The following TBC1D14 variants were observed in gnomAD, a reference collection of about 807,000 sequenced individuals.
TBC1D14 encodes TBC1 domain family, member 14.
A neutral mutation model predicts 79.0 loss-of-function variants in TBC1D14; 26 were observed. That is an observed-to-expected ratio of 0.33 (90% CI 0.24 to 0.46). The LOEUF is 0.46. Ranked by LOEUF, TBC1D14 falls within the 20% of genes least tolerant of loss-of-function variation. TBC1D14 has a pLI of 1.00. For missense variants in TBC1D14, 769 were observed against 887.6 expected (o/e 0.87, Z 1.70); for synonymous variants, 394 against 349.9 (o/e 1.13, Z -1.40).
intron 8 of TBC1D14, among the ~76,000 whole-genome samples, chr4:7,005,277 T>A (rs1299275017): frequency 6.6e-6 from 1 of 152,204 alleles, no homozygotes; most frequent in Admixed American, 6.5e-5. Context: ...CGCTCACGCC[T>A]GTAATCCCAG....
At chr4:6,966,999 C>CG (rs1560290107) in intron 2 of TBC1D14, among the ~76,000 whole-genome samples, 1 of 152,042 alleles carries the variant, frequency 6.6e-6, no homozygotes, top group African/African-American at 2.4e-5. Flanking sequence ...TTAGTAGAGA[C>CG]GGGGTTTCAC....
At chr4:6,931,723 G>A (rs867822476) in intron 2 of TBC1D14, among the ~76,000 whole-genome samples, 1 of 152,036 alleles carries the variant, frequency 6.6e-6, no homozygotes, top group African/African-American at 2.4e-5. Flanking sequence ...AGTGGCTGCT[G>A]TGTACCAAGC....
At chr4:6,933,593 C>T (rs1039092581) in intron 2 of TBC1D14, among the ~76,000 whole-genome samples, 1 of 152,078 alleles carries the variant, frequency 6.6e-6, no homozygotes. Context: ...CCACCATGAC[C>T]CACTGTGCCT....
chr4:6,916,832 C>T (rs1009441986), intron 1 of TBC1D14, among the ~76,000 whole-genome samples: 1 of 152,224 alleles, frequency 6.6e-6, no homozygotes, highest in South Asian at 2.1e-4. Flanking sequence ...CAGTGCCTCC[C>T]GTGGCAGGGT....
At chr4:6,972,388 C>T (rs983629043) in intron 3 of TBC1D14, among the ~76,000 whole-genome samples, 14 of 152,210 alleles carry the variant, frequency 9.2e-5, no homozygotes, top group African/African-American at 3.1e-4. Context: ...AGCGTCTGTT[C>T]TCAGCCCTCG....
At chr4:7,010,890 A>G (rs1720695883) in intron 11 of TBC1D14, 109 bp downstream of exon 11, 1 of 1,311,054 alleles carries the variant, frequency 7.6e-7, no homozygotes, top group South Asian at 1.4e-5. Flanking sequence ...CTCTCTGTGA[A>G]GAGATGTTTA....
intron 2 of TBC1D14, among the ~76,000 whole-genome samples, chr4:6,940,591 ATT>A (rs1411018989): frequency 6.6e-6 from 1 of 152,108 alleles, no homozygotes; most frequent in East Asian, 1.9e-4. Flanking sequence ...TCTAGTGCAC[ATT>A]TAAATATGGG....
chr4:6,946,442 C>T (rs145212291), intron 2 of TBC1D14, among the ~76,000 whole-genome samples: 1,820 of 152,162 alleles, frequency 0.012, 16 homozygotes, highest in Middle Eastern at 0.037. Flanking sequence ...AAGCGATTCT[C>T]CTGAGTAGCT....
rs2109250821 is a variant in TBC1D14 at position 7,010,763 on chromosome 4, T to C, written c.1629T>C (p.Phe543=). The stretch of plus-strand genomic sequence containing the variant: ...ATAAACCCTGTCAAATGGCGTTTTT[T>C]AGAGTGGACCATGGCCTTGTGAGTA... ...LLNKPCQMAF[F]RVDHGLMLTY... is the part of the protein sequence containing the mutation. The change falls in exon 11 of 14, where the codon TTT becomes TTC. Residue 543 remains phenylalanine (F), a synonymous_variant. Coordinates refer to ENST00000409757, the MANE Select transcript of TBC1D14 (RefSeq NM_020773.3). 6.2e-7 allele frequency: 1 copy of C among 1,613,986 alleles called. No homozygotes were observed. The highest frequency in any genetic ancestry group is 1.1e-5 in the South Asian group (1 of 91,040).
At chr4:6,919,010 A>G (rs987462549) in intron 1 of TBC1D14, among the ~76,000 whole-genome samples, 4 of 152,094 alleles carry the variant, frequency 2.6e-5, no homozygotes, top group Non-Finnish European at 5.9e-5. Flanking sequence ...GGCTCTGGGG[A>G]AGAGCAGCGA....
chr4:7,017,857 T>A (rs530729408), intron 12 of TBC1D14, among the ~76,000 whole-genome samples: 1 of 152,264 alleles, frequency 6.6e-6, no homozygotes, highest in East Asian at 1.9e-4. Flanking sequence ...GAGTCAGCAT[T>A]TATTGGTGGT....
At position 7,025,353 on chromosome 4, in the gene TBC1D14, C is replaced by T. The variant is rs1018920146; in HGVS notation, c.2016+91C>T. The T allele has an allele frequency of 1.2e-5, 18 of 1,549,804 alleles. No homozygotes were observed. In the East Asian group the frequency reaches 1.4e-4, roughly 12 times the overall value. On this transcript the variant is annotated intron_variant, in intron 13 of 13. Coordinates refer to ENST00000409757, the MANE Select transcript of TBC1D14 (RefSeq NM_020773.3). ...CCCTACGTAAAGTGCTGTCTGAGGA[C>T]GTAGCCCCTTTGATGGAGTCCCTGG... is the stretch of plus-strand genomic sequence containing the variant.
intron 3 of TBC1D14, among the ~76,000 whole-genome samples, chr4:6,981,005 G>A (rs1401453831): frequency 6.7e-6 from 1 of 148,796 alleles, no homozygotes; most frequent in Non-Finnish European, 1.5e-5. Context: ...GTGAGCCACC[G>A]CGCCCGGCCT....
intron 12 of TBC1D14, among the ~76,000 whole-genome samples, chr4:7,023,553 C>T (rs1722035509): frequency 6.6e-6 from 1 of 152,198 alleles, no homozygotes; most frequent in Admixed American, 6.5e-5. Context: ...TTTGAAACAG[C>T]AAGAAGCTCG....
intron 7 of TBC1D14, among the ~76,000 whole-genome samples, chr4:7,001,845 T>C (rs918178484): frequency 2.0e-5 from 3 of 152,108 alleles, no homozygotes; most frequent in African/African-American, 7.2e-5. Context: ...CAGAGTGAAA[T>C]AGGTGCCAGG....
intron 2 of TBC1D14, among the ~76,000 whole-genome samples, chr4:6,951,689 G>A (rs1010945532): frequency 1.3e-5 from 2 of 151,880 alleles, no homozygotes; most frequent in African/African-American, 2.4e-5. Context: ...ATAATTTGTC[G>A]AATGATCTAA....
chr4:7,026,546 G>A (rs759264834), intron 13 of TBC1D14, among the ~76,000 whole-genome samples: 5 of 152,180 alleles, frequency 3.3e-5, no homozygotes, highest in Non-Finnish European at 5.9e-5. Context: ...TAATATCTAT[G>A]CCACGCCACT....
chr4:7,022,367 G>T (rs1721914088), intron 12 of TBC1D14, among the ~76,000 whole-genome samples: 1 of 152,244 alleles, frequency 6.6e-6, no homozygotes, highest in African/African-American at 2.4e-5. Flanking sequence ...GCAGAGGGAA[G>T]TGTCCAGGAG....
intron 12 of TBC1D14, among the ~76,000 whole-genome samples, chr4:7,024,363 C>A (rs1577191496): frequency 6.6e-6 from 1 of 152,086 alleles, no homozygotes; most frequent in South Asian, 2.1e-4. Context: ...GGAGATGTCC[C>A]CACCCAGCTG....
Sources: allele counts gnomAD v4.1 joint callset (sites outside exome capture counted in the v4.1 genomes callset), GRCh38; gene constraint gnomAD v4.1.1; transcripts MANE v1.5; gene names NCBI Gene and HGNC (gene_info 2026-07-23, HGNC 2026-07-21).